Variants in HBP1 observed in about 807,000 individuals in gnomAD.
HBP1 encodes the protein HMG-box transcription factor 1.
HBP1 carries 20 observed loss-of-function variants against 62.6 expected under a neutral mutation model. That is an observed-to-expected ratio of 0.32 (90% CI 0.22 to 0.46). The LOEUF (loss-of-function observed/expected upper bound fraction) is 0.46, where lower values mean the gene tolerates loss of function less well. HBP1 is among the 20% of genes least tolerant of loss of function. HBP1 has a pLI of 1.00. For missense variants in HBP1, 480 were observed against 611.8 expected (o/e 0.78, Z 2.27); for synonymous variants, 232 against 206.2 (o/e 1.12, Z -1.07).
At chr7:107,174,421 T>G (rs1796740959) in intron 1 of HBP1, 1 of 960,786 alleles carries the variant, frequency 1.0e-6, no homozygotes, top group Non-Finnish European at 1.2e-6. Context: ...GAAATTAAAA[T>G]AATGTCTTTT....
At position 107,169,037 on chromosome 7, in the gene HBP1, A is replaced by C. The variant is rs1252818883; in HGVS notation, c.-164A>C. 1 of 1,288,542 alleles carries C rather than the reference A, an allele frequency of 7.8e-7. No homozygotes were observed. Among genetic ancestry groups the C allele is most frequent in the Non-Finnish European group, 1.0e-6 (1 of 988,416 alleles). The allele number at this position is 1,288,542 out of a possible 1,614,324, so 79.8% of individuals were successfully genotyped here. On this transcript the variant is annotated 5_prime_UTR_variant, in exon 1 of 11. Coordinates refer to ENST00000222574, the MANE Select transcript of HBP1 (RefSeq NM_012257.4). Reference sequence around the variant, plus strand: ...AATGGCGACGGGTTTGGTAAGTAGGAAAGTTTCGGTTGAGGAGTAAGAGCT... The same window carrying C: ...AATGGCGACGGGTTTGGTAAGTAGGCAAGTTTCGGTTGAGGAGTAAGAGCT...
At chr7:107,197,850 TA>T (rs1344597869) in intron 9 of HBP1, among the ~76,000 whole-genome samples, 2 of 152,246 alleles carry the variant, frequency 1.3e-5, no homozygotes, top group Non-Finnish European at 2.9e-5. Flanking sequence ...TTTTAGGCTT[TA>T]AAGACATTTT....
intron 8 of HBP1, among the ~76,000 whole-genome samples, chr7:107,194,722 C>G: frequency 6.6e-6 from 1 of 152,082 alleles, no homozygotes; most frequent in Non-Finnish European, 1.5e-5. Context: ...ATTTCTGTTT[C>G]AGGGAAGGAA....
chr7:107,188,326 GTTA>G (rs1415963776), intron 6 of HBP1, among the ~76,000 whole-genome samples: 1 of 152,042 alleles, frequency 6.6e-6, no homozygotes, highest in Non-Finnish European at 1.5e-5. Context: ...TTTCAAAGTT[GTTA>G]TTATCATCCT....
At chr7:107,191,435 A>T (rs1276415402) in intron 8 of HBP1, among the ~76,000 whole-genome samples, 1 of 152,222 alleles carries the variant, frequency 6.6e-6, no homozygotes, top group Admixed American at 6.5e-5. Flanking sequence ...ATTTTGGAAG[A>T]TAATTTGGCT....
chr7:107,184,247 C>G (rs1018645498), intron 3 of HBP1, among the ~76,000 whole-genome samples: 1 of 152,026 alleles, frequency 6.6e-6, no homozygotes, highest in Non-Finnish European at 1.5e-5. Context: ...TGTGTAATAA[C>G]AGGATGGGCA....
intron 2 of HBP1, among the ~76,000 whole-genome samples, chr7:107,182,103 C>T (rs1439443963): frequency 6.6e-6 from 1 of 151,972 alleles, no homozygotes; most frequent in Admixed American, 6.6e-5. Context: ...ACATAAAATG[C>T]CTTTTTCTTC....
At chr7:107,171,074 T>TATATATATATATATATATA (rs1554380347) in intron 1 of HBP1, among the ~76,000 whole-genome samples, 6 of 37,526 alleles carry the variant, frequency 1.6e-4, no homozygotes, top group African/African-American at 8.7e-4. Context: ...TATATATATA[T>TATATATATATATATATATA]TTTTTTTTTT....
Position 107,182,477 on chromosome 7 carries a change from A to G in HBP1, c.274A>G (p.Asn92Asp), listed in dbSNP as rs1258787869. The G allele has an allele frequency of 6.2e-7, 1 of 1,610,250 alleles. No individual in the cohort carries two copies. The highest frequency in any genetic ancestry group is 1.7e-5 in the Admixed American group (1 of 60,018). The change falls in exon 3 of 11, where the codon AAC becomes GAC. Residue 92 changes from asparagine to aspartate, a missense_variant. Coordinates refer to ENST00000222574, the MANE Select transcript of HBP1 (RefSeq NM_012257.4). The stretch of plus-strand genomic sequence containing the variant: ...TCAAGAATACCCAAGATCATCTTGG[A>G]ACCAAAATACCTCAGACATACCAGA... ...SHQEYPRSSW[N>D]QNTSDIPETT...
intron 1 of HBP1, among the ~76,000 whole-genome samples, chr7:107,171,063 A>ATTTTTTTTTTTTTTTTTTTT (rs1184704903): frequency 1.5e-5 from 1 of 65,960 alleles, no homozygotes; most frequent in Non-Finnish European, 2.4e-5. Context: ...ATATATATAT[A>ATTTTTTTTTTTTTTTTTTTT]TATATATATA....
At chr7:107,182,818 T>G (rs1014958559) in intron 3 of HBP1, among the ~76,000 whole-genome samples, 4 of 152,070 alleles carry the variant, frequency 2.6e-5, no homozygotes, top group Non-Finnish European at 5.9e-5. Context: ...AACCATAGAG[T>G]AAAAAAATTT....
chr7:107,171,959 TAAAA>T (rs563312982), intron 1 of HBP1, among the ~76,000 whole-genome samples: 2 of 150,802 alleles, frequency 1.3e-5, no homozygotes, highest in South Asian at 4.2e-4. Flanking sequence ...CACAATGAAT[TAAAA>T]AAAAATTAAA....
At chr7:107,183,268 T>C (rs1797195184) in intron 3 of HBP1, among the ~76,000 whole-genome samples, 1 of 152,198 alleles carries the variant, frequency 6.6e-6, no homozygotes, top group Admixed American at 6.5e-5. Flanking sequence ...TGCCCATATT[T>C]GCACACCTGT....
At chr7:107,191,759 T>C (rs1204332861) in intron 8 of HBP1, among the ~76,000 whole-genome samples, 1 of 152,206 alleles carries the variant, frequency 6.6e-6, no homozygotes, top group African/African-American at 2.4e-5. Context: ...GTCTATTTTA[T>C]GGAATCATGT....
At chr7:107,171,074 T>TA (rs1554380347) in intron 1 of HBP1, among the ~76,000 whole-genome samples, 527 of 37,492 alleles carry the variant, frequency 0.014, 27 homozygotes, top group South Asian at 0.032. Context: ...TATATATATA[T>TA]TTTTTTTTTT....
At chr7:107,196,598 G>A (rs559987541) in intron 9 of HBP1, 42 of 255,066 alleles carry the variant, frequency 1.6e-4, no homozygotes, top group African/African-American at 9.7e-4. Context: ...AGTTTAAGTG[G>A]AATTTTTAGG....
Position 107,169,204 on chromosome 7 carries a change from A to C in HBP1, c.-16+19A>C, listed in dbSNP as rs4730221. ...GCGGCAGGTTTGTTGTCTTTCAGTT[A>C]GGGAAGAGGTGGGGGTGGGGAAGGG... On this transcript the variant is annotated intron_variant, in intron 1 of 10. Coordinates refer to ENST00000222574, the MANE Select transcript of HBP1 (RefSeq NM_012257.4). The C allele has an allele frequency of 0.66, 438,848 of 666,432 alleles. 119,146 individuals carry two copies. Among genetic ancestry groups the C allele is most frequent in the African/African-American group, 0.68 (23,696 of 34,936 alleles). The allele number at this position is 666,432 out of a possible 1,614,324, so 41.3% of individuals were successfully genotyped here.
At chr7:107,186,260 A>G (rs531447444) in intron 4 of HBP1, 101 bp from the exon 5 acceptor site, 1 of 660,406 alleles carries the variant, frequency 1.5e-6, no homozygotes, top group African/African-American at 1.9e-5. Context: ...TTACTAAGTT[A>G]TCCACCTATA....
At chr7:107,178,501 A>T (rs1181977899) in intron 1 of HBP1, among the ~76,000 whole-genome samples, 1 of 152,224 alleles carries the variant, frequency 6.6e-6, no homozygotes, top group Admixed American at 6.5e-5. Flanking sequence ...TAAATTTATT[A>T]ACCCATATTC....
Sources: gnomAD v4.1 joint callset for allele counts (sites outside exome capture counted in the v4.1 genomes callset) on GRCh38, gnomAD v4.1.1 for gene constraint, MANE v1.5 for transcripts, NCBI Gene and HGNC (gene_info 2026-07-23, HGNC 2026-07-21) for gene names.